SCOC: variants seen among roughly 807,000 people sequenced by gnomAD.
The protein encoded by SCOC is short coiled coil protein.
SCOC carries 7 observed loss-of-function variants against 9.9 expected under a neutral mutation model. The observed-to-expected ratio is 0.71, with a 90% CI of 0.40 to 1.33. The LOEUF is 1.33. Among genes scored for constraint, SCOC ranks in the 40% most tolerant of loss-of-function variants. The pLI, the probability that SCOC is intolerant of heterozygous loss-of-function variation, is 0.01. For synonymous variants in SCOC, 19 were observed against 28.2 expected (o/e 0.67, Z 1.03); for missense variants, 66 against 89.7 (o/e 0.74, Z 1.07).
rs576532155 is a variant in SCOC at position 140,348,009 on chromosome 4, A to C, written c.70+4301A>C. Among the ~76,000 whole-genome samples, 70 of 152,270 alleles carry C rather than the reference A, an allele frequency of 4.6e-4. No homozygotes were observed. The South Asian group carries it at 6.8e-3, about 15-fold the overall frequency. ...TTTCTACTTTTTTTCTTATTTACTA[A>C]ATACAAATAAAAATTGTATATGTTT... On this transcript the variant is annotated intron_variant, in intron 2 of 4. Coordinates refer to the SCOC transcript ENST00000338517.
chr4:140,354,235 T>C (rs1466803839), intron 2 of SCOC, among the ~76,000 whole-genome samples: 4 of 152,228 alleles, frequency 2.6e-5, no homozygotes, highest in Non-Finnish European at 5.9e-5. Context: ...TCTTTTTTAC[T>C]TTGGAATTTT....
chr4:140,257,370 TTA>T (rs1185150501), exon 1 of SCOC: 1 of 152,182 alleles, frequency 6.6e-6, no homozygotes, highest in African/African-American at 2.4e-5. Flanking sequence ...CTGAGCAAAT[TTA>T]TCTTTTCTCT....
At chr4:140,335,638 A>T (rs970304072) in intron 1 of SCOC, among the ~76,000 whole-genome samples, 3 of 152,152 alleles carry the variant, frequency 2.0e-5, no homozygotes, top group African/African-American at 7.2e-5. Flanking sequence ...CTGATTGCAT[A>T]CACTCCAGAT....
At chr4:140,265,149 G>A (rs1365952554) in intron 1 of SCOC, among the ~76,000 whole-genome samples, 1 of 152,098 alleles carries the variant, frequency 6.6e-6, no homozygotes, top group Non-Finnish European at 1.5e-5. Flanking sequence ...ATTTTATTGA[G>A]GATATTAAAA....
upstream of SCOC, among the ~76,000 whole-genome samples, chr4:140,341,066 G>A (rs1280222936): frequency 6.6e-6 from 1 of 151,886 alleles, no homozygotes; most frequent in African/African-American, 2.4e-5. Context: ...AAAGTGCTGG[G>A]ATTACAGGCA....
chr4:140,258,822 T>G (rs1442061343), intron 1 of SCOC, among the ~76,000 whole-genome samples: 4 of 152,268 alleles, frequency 2.6e-5, no homozygotes, highest in African/African-American at 9.6e-5. Flanking sequence ...TCATATGTGC[T>G]GACATTTCTT....
rs773782837 is a variant in SCOC at position 140,291,501 on chromosome 4, G to A, written c.-19+34091G>A. 4.4e-4 allele frequency: 201 copies of A among 457,354 alleles called. 4 individuals are homozygous for A. Among genetic ancestry groups the A allele is most frequent in the South Asian group, 2.8e-3 (179 of 64,560 alleles). The allele number at this position is 457,354 out of a possible 1,614,324, so 28.3% of individuals were successfully genotyped here. ...AATGGATCCATATGCCATTCTGCAG[G>A]ATGTCCACAAGGTCCAGGTCTCCTG... On this transcript the variant is annotated intron_variant, in intron 1 of 4. Coordinates refer to the SCOC transcript ENST00000394205.
intron 2 of SCOC, among the ~76,000 whole-genome samples, chr4:140,366,060 T>C (rs550895589): frequency 7.2e-5 from 11 of 152,350 alleles, no homozygotes; most frequent in Middle Eastern, 3.4e-3. Flanking sequence ...TTATCATAAA[T>C]GGTTACCAGG....
In SCOC at chr4:140,382,779, T is replaced by A. The variant is rs1289847357; in HGVS notation, c.*1675T>A. 1 of 152,378 alleles carries A rather than the reference T, an allele frequency of 6.6e-6. No homozygotes were observed. Among genetic ancestry groups the A allele is most frequent in the Admixed American group, 6.5e-5 (1 of 15,280 alleles). 9.4% of individuals were successfully genotyped at this position (152,378 alleles called of 1,614,324 possible). A position where few individuals can be genotyped will look rare whatever the true frequency, so the allele number is the denominator to read the frequency against. ...AAACAAAAGCAAAGCACTCAAAGGA[T>A]CCAGTATCTCCAGGGAAAAAGGAAG... On this transcript the variant is annotated 3_prime_UTR_variant, in exon 4 of 4. Transcript: ENST00000608372.
chr4:140,280,956 A>G (rs1483784206), intron 1 of SCOC, among the ~76,000 whole-genome samples: 1 of 152,202 alleles, frequency 6.6e-6, no homozygotes, highest in Non-Finnish European at 1.5e-5. Context: ...GTCAAATTTC[A>G]TCTATATTGC....
upstream of SCOC, among the ~76,000 whole-genome samples, chr4:140,343,134 C>A (rs1726567735): frequency 6.6e-6 from 1 of 152,138 alleles, no homozygotes; most frequent in African/African-American, 2.4e-5. Context: ...TTAATCCTCA[C>A]AACAGACTTA....
At chr4:140,359,216 G>T (rs1282861448) in intron 2 of SCOC, among the ~76,000 whole-genome samples, 1 of 152,164 alleles carries the variant, frequency 6.6e-6, no homozygotes, top group Non-Finnish European at 1.5e-5. Flanking sequence ...TGTGGGTGGG[G>T]GCTGCGGTCA....
chr4:140,323,790 T>C (rs1189485092), intron 1 of SCOC, among the ~76,000 whole-genome samples: 1 of 152,164 alleles, frequency 6.6e-6, no homozygotes, highest in Non-Finnish European at 1.5e-5. Context: ...GCTGATAAAA[T>C]CTACAAAACA....
intron 1 of SCOC, among the ~76,000 whole-genome samples, chr4:140,326,653 C>A (rs968408404): frequency 4.9e-5 from 7 of 143,466 alleles, no homozygotes; most frequent in Non-Finnish European, 9.2e-5. Context: ...ACCCCCCCCC[C>A]TACACTGTTA....
At chr4:140,286,762 C>T (rs752036901) in intron 1 of SCOC, among the ~76,000 whole-genome samples, 34 of 152,188 alleles carry the variant, frequency 2.2e-4, no homozygotes, top group Non-Finnish European at 4.1e-4. Context: ...GGCGCTGGAG[C>T]CGCTGTCAAG....
intron 2 of SCOC, among the ~76,000 whole-genome samples, chr4:140,350,045 T>C (rs1726911599): frequency 6.6e-6 from 1 of 152,218 alleles, no homozygotes; most frequent in Admixed American, 6.5e-5. Context: ...CTCCACACAG[T>C]GCCTAGTTCA....
intron 1 of SCOC, among the ~76,000 whole-genome samples, chr4:140,299,821 C>T (rs897324060): frequency 1.3e-5 from 2 of 152,222 alleles, no homozygotes; most frequent in South Asian, 2.1e-4. Flanking sequence ...AGCCCAGTGT[C>T]TCAGTGCCTT....
intron 1 of SCOC, among the ~76,000 whole-genome samples, chr4:140,308,896 G>A (rs1732071069): frequency 6.6e-6 from 1 of 152,140 alleles, no homozygotes; most frequent in Non-Finnish European, 1.5e-5. Flanking sequence ...CCCCCAGCCA[G>A]TCTAGAGCTT....
intron 1 of SCOC, among the ~76,000 whole-genome samples, chr4:140,257,873 G>C (rs114630094): frequency 2.6e-5 from 4 of 152,254 alleles, no homozygotes; most frequent in Non-Finnish European, 5.9e-5. Flanking sequence ...CAGAGATGTC[G>C]CTGCACTTCT....
Sources: allele counts gnomAD v4.1 joint callset (sites outside exome capture counted in the v4.1 genomes callset), GRCh38; gene constraint gnomAD v4.1.1; transcripts MANE v1.5; gene names NCBI Gene and HGNC (gene_info 2026-07-23, HGNC 2026-07-21).